The following BAIAP2L1 variants were observed in gnomAD, a reference collection of about 807,000 sequenced individuals.
BAIAP2L1 encodes the protein BAR/IMD domain-containing adapter protein 2-like 1.
A neutral mutation model predicts 66.3 loss-of-function variants in BAIAP2L1; 35 were observed. The observed-to-expected ratio is 0.53, with a 90% CI of 0.40 to 0.70. The LOEUF is 0.70. Among genes scored for constraint, BAIAP2L1 ranks in the 30% least tolerant of loss-of-function variants. The pLI, the probability that BAIAP2L1 is intolerant of heterozygous loss-of-function variation, is 0.00. For synonymous variants in BAIAP2L1, 269 were observed against 248.7 expected, an observed-to-expected ratio of 1.08 and a Z score of -0.77; for missense variants, 622 against 656.9, an observed-to-expected ratio of 0.95 and a Z score of 0.58.
intron 1 of BAIAP2L1, among the ~76,000 whole-genome samples, chr7:98,392,402 A>G (rs1803067726): frequency 1.3e-5 from 2 of 152,118 alleles, no homozygotes; most frequent in Non-Finnish European, 2.9e-5. Context: ...CTCTCACACC[A>G]TGCAGACAAC....
Position 98,306,891 on chromosome 7 carries a change from A to G in BAIAP2L1, c.1164-375T>C, listed in dbSNP as rs1800678376. The G allele has an allele frequency of 2.1e-5, 4 of 188,922 alleles. No homozygotes were observed. The South Asian group carries it at 4.2e-4, about 20-fold the overall frequency. The allele number at this position is 188,922 out of a possible 1,614,324, so 11.7% of individuals were successfully genotyped here. On this transcript the variant is annotated intron_variant, in intron 10 of 13. Coordinates refer to ENST00000005260, the MANE Select transcript of BAIAP2L1 (RefSeq NM_018842.5). Reference sequence around the variant, plus strand: ...CTAGCTAAAAAGCAATATATGTTGTATGTATAACATTAATTTGATTTGGAT... The same window carrying G: ...CTAGCTAAAAAGCAATATATGTTGTGTGTATAACATTAATTTGATTTGGAT...
chr7:98,384,400 A>G (rs537671702), intron 1 of BAIAP2L1, among the ~76,000 whole-genome samples: 5 of 152,308 alleles, frequency 3.3e-5, no homozygotes, highest in East Asian at 1.9e-4. Flanking sequence ...TTTGAAGACC[A>G]CAGAGTATAC....
chr7:98,332,809 C>A (rs1438725859), intron 3 of BAIAP2L1, among the ~76,000 whole-genome samples: 7 of 83,670 alleles, frequency 8.4e-5, no homozygotes, highest in South Asian at 4.6e-4. Flanking sequence ...ACTTCGTCCC[C>A]AAAAAAAAAA....
intron 1 of BAIAP2L1, among the ~76,000 whole-genome samples, chr7:98,390,075 C>T (rs543364174): frequency 2.7e-4 from 41 of 151,932 alleles, no homozygotes; most frequent in African/African-American, 8.7e-4. Context: ...GCCACCGCAC[C>T]CGGCTAATTT....
chr7:98,372,661 G>A lies in BAIAP2L1; in HGVS notation c.52-10229C>T, dbSNP rs1296517188. Among the ~76,000 whole-genome samples, 3 of 150,802 alleles carry A rather than the reference G, an allele frequency of 2.0e-5. No homozygotes were observed. The East Asian group carries it at 5.8e-4, about 29-fold the overall frequency. On this transcript the variant is annotated intron_variant, in intron 1 of 13. Transcript: ENST00000005260. ...ATCACAAATGTTCAAACCAATCAAG[G>A]TACATGCTAATGTCATGTAGCAAAA... is the stretch of plus-strand genomic sequence containing the variant.
chr7:98,342,185 G>C (rs1472212891), intron 3 of BAIAP2L1, among the ~76,000 whole-genome samples: 1 of 151,758 alleles, frequency 6.6e-6, no homozygotes, highest in Non-Finnish European at 1.5e-5. Context: ...CCAAGTAGCT[G>C]GGATTACAGG....
intron 3 of BAIAP2L1, among the ~76,000 whole-genome samples, chr7:98,329,054 A>C (rs1801437460): frequency 6.6e-6 from 1 of 152,170 alleles, no homozygotes; most frequent in East Asian, 1.9e-4. Context: ...AGTTGCATCC[A>C]TCAGGATTGA....
At chr7:98,337,135 A>AGGTTACGAGGCAGCGC (rs1410247077) in intron 3 of BAIAP2L1, among the ~76,000 whole-genome samples, 2 of 152,066 alleles carry the variant, frequency 1.3e-5, no homozygotes, top group Non-Finnish European at 2.9e-5. Flanking sequence ...GGTCACGGCG[A>AGGTTACGAGGCAGCGC]GGTTACGAGG....
intron 7 of BAIAP2L1, 110 bp from the exon 8 acceptor site, chr7:98,312,374 G>C: frequency 8.1e-7 from 1 of 1,228,554 alleles, no homozygotes; most frequent in Non-Finnish European, 1.1e-6. Flanking sequence ...AGCACCAGGA[G>C]TGTGGGGGCC....
intron 12 of BAIAP2L1, among the ~76,000 whole-genome samples, chr7:98,299,400 C>G (rs942462134): frequency 1.3e-5 from 2 of 152,138 alleles, no homozygotes; most frequent in African/African-American, 4.8e-5. Flanking sequence ...TCAAATGATC[C>G]TCCCGCCTCG....
chr7:98,295,935 A>G (rs1800170024), intron 12 of BAIAP2L1, among the ~76,000 whole-genome samples: 2 of 152,084 alleles, frequency 1.3e-5, no homozygotes. Context: ...TGTTGGGCCA[A>G]CCCCGTGCAC....
chr7:98,390,868 C>T (rs370864384), intron 1 of BAIAP2L1, among the ~76,000 whole-genome samples: 5 of 152,094 alleles, frequency 3.3e-5, no homozygotes, highest in Admixed American at 2.6e-4. Context: ...GACAGTCTCT[C>T]GCTCTGTTGC....
Position 98,345,496 on chromosome 7 carries a change from G to A in BAIAP2L1, c.214+9546C>T, listed in dbSNP as rs371858986. ...TCCCAGCACTCTGGGAGGCCGAGGC[G>A]GGTGGATCACCTGAGGTAAGGAGTT... On this transcript the variant is annotated intron_variant, in intron 3 of 13. Coordinates refer to ENST00000005260, the MANE Select transcript of BAIAP2L1 (RefSeq NM_018842.5). Among the ~76,000 whole-genome samples the A allele has an allele frequency of 7.5e-4, 114 of 152,246 alleles. 1 individual carries two copies. The highest frequency in any genetic ancestry group is 2.2e-3 in the Admixed American group (33 of 15,290).
intron 1 of BAIAP2L1, among the ~76,000 whole-genome samples, chr7:98,378,669 T>C (rs1479464968): frequency 6.6e-6 from 1 of 152,146 alleles, no homozygotes; most frequent in Non-Finnish European, 1.5e-5. Flanking sequence ...TAAGTCTTGC[T>C]CTGTCGCGCA....
intron 5 of BAIAP2L1, 77 bp downstream of exon 5, chr7:98,319,981 A>G (rs980177784): frequency 8.5e-7 from 1 of 1,176,724 alleles, no homozygotes. Context: ...TGATGAGTCA[A>G]CAGTGGGAAC....
At chr7:98,348,842 C>G (rs573719460) in intron 3 of BAIAP2L1, among the ~76,000 whole-genome samples, 1 of 152,168 alleles carries the variant, frequency 6.6e-6, no homozygotes, top group Non-Finnish European at 1.5e-5. Context: ...AAGTGTTGCC[C>G]GGGGTCACAC....
chr7:98,326,372 C>T (rs1369900719), intron 3 of BAIAP2L1, among the ~76,000 whole-genome samples: 7 of 152,316 alleles, frequency 4.6e-5, no homozygotes, highest in Admixed American at 3.3e-4. Flanking sequence ...ATCATTCCTC[C>T]GTGTCTAGCT....
At chr7:98,318,835 T>C (rs1015707218) in intron 5 of BAIAP2L1, among the ~76,000 whole-genome samples, 4 of 150,748 alleles carry the variant, frequency 2.7e-5, no homozygotes, top group Admixed American at 6.6e-5. Flanking sequence ...TCCCAGCTAA[T>C]TGGGAGGCTG....
intron 8 of BAIAP2L1, among the ~76,000 whole-genome samples, 191 bp downstream of exon 8, chr7:98,311,906 C>T (rs1800886577): frequency 6.6e-6 from 1 of 151,994 alleles, no homozygotes; most frequent in Non-Finnish European, 1.5e-5. Context: ...AAAGACTCCA[C>T]CTTAACAACA....
Sources: allele counts gnomAD v4.1 joint callset (sites outside exome capture counted in the v4.1 genomes callset), GRCh38; gene constraint gnomAD v4.1.1; transcripts MANE v1.5; gene names NCBI Gene and HGNC (gene_info 2026-07-23, HGNC 2026-07-21).